CYREN: variants seen among roughly 807,000 people sequenced by gnomAD.
The protein encoded by CYREN is cell cycle regulator of non-homologous end joining.
Under a neutral mutation model 9.7 loss-of-function variants are expected in CYREN, and 7 were observed. The observed-to-expected ratio is 0.72, with a 90% confidence interval of 0.41 to 1.36. The LOEUF (loss-of-function observed/expected upper bound fraction) is 1.36. CYREN is among the 40% of genes most tolerant of loss of function. The probability of loss-of-function intolerance (pLI) is 0.01; values close to 1 mark genes in which losing one functional copy is unlikely to be tolerated. For missense variants in CYREN, 215 were observed against 198.1 expected, an observed-to-expected ratio of 1.09 and a Z score of -0.51; for synonymous variants, 76 against 77.9, an observed-to-expected ratio of 0.98 and a Z score of 0.13.
At chr7:135,099,425 C>T (rs1823424724) in intron 2 of CYREN, among the ~76,000 whole-genome samples, 2 of 151,702 alleles carry the variant, frequency 1.3e-5, no homozygotes, top group South Asian at 4.2e-4. Flanking sequence ...ATTAAACTAG[C>T]CATTAAATAT....
chr7:135,128,952 G>C (rs530651329), intron 2 of CYREN: 4 of 1,573,628 alleles, frequency 2.5e-6, no homozygotes, highest in Non-Finnish European at 3.5e-6. Context: ...TAAGAAGCTG[G>C]GTAGTGAATG....
intron 2 of CYREN, among the ~76,000 whole-genome samples, chr7:135,111,570 G>A (rs561645073): frequency 3.5e-4 from 53 of 149,570 alleles, no homozygotes; most frequent in African/African-American, 8.6e-4. Flanking sequence ...TGTTGTACAC[G>A]TCTGTTTTTT....
chr7:135,117,493 C>T lies in CYREN; in HGVS notation n.357-22911G>A, dbSNP rs543432310. On this transcript the variant is annotated intron_variant and non_coding_transcript_variant, in intron 2 of 2. Transcript: ENST00000459937. ...TAGACCAATGTCTAAAATGGTTTAG[C>T]AAAGTGTGATCTTCTCATTCTTTGC... Among the ~76,000 whole-genome samples, 13 of 152,286 alleles carry T rather than the reference C, an allele frequency of 8.5e-5. No homozygotes were observed. In the South Asian group the frequency reaches 2.5e-3, roughly 29 times the overall value.
At chr7:135,167,877 G>A (rs942001927) in intron 2 of CYREN, 70 bp from the exon 3 acceptor site, 21 of 1,607,438 alleles carry the variant, frequency 1.3e-5, no homozygotes, top group Non-Finnish European at 1.6e-5. Flanking sequence ...GAGAACAGGA[G>A]AAGCAGGGCC....
chr7:135,094,357 G>A (rs1013401472), exon 3 of CYREN: 11 of 456,530 alleles, frequency 2.4e-5, no homozygotes, highest in Non-Finnish European at 4.4e-5. Flanking sequence ...AATCCAGGGA[G>A]TCACTGCTGA....
intron 2 of CYREN, among the ~76,000 whole-genome samples, chr7:135,096,733 GAGAAAGAATGAA>G (rs1822890993): frequency 2.0e-5 from 1 of 51,152 alleles, no homozygotes; most frequent in East Asian, 5.4e-4. Context: ...AAGAAAGAAA[GAGAAAGAATGAA>G]AGAAAGAAAG....
At chr7:135,158,838 G>A (rs1829859044) in intron 2 of CYREN, among the ~76,000 whole-genome samples, 1 of 152,198 alleles carries the variant, frequency 6.6e-6, no homozygotes. Flanking sequence ...GGCAGCAAGA[G>A]CCATGTCTGT....
At chr7:135,150,781 G>A (rs1002490459) in intron 2 of CYREN, among the ~76,000 whole-genome samples, 3 of 152,142 alleles carry the variant, frequency 2.0e-5, no homozygotes, top group Admixed American at 6.5e-5. Context: ...TCTTGAACCC[G>A]GGAGGCAGAG....
At chr7:135,129,734 A>C in intron 2 of CYREN, 1 of 720,574 alleles carries the variant, frequency 1.4e-6, no homozygotes, top group Non-Finnish European at 2.6e-6. Flanking sequence ...GGTTTTCCCT[A>C]ATCTTTTGTC....
Position 135,169,006 on chromosome 7 carries a change from G to T in CYREN, c.-84C>A. On this transcript the variant is annotated 5_prime_UTR_variant, in exon 2 of 4. Transcript: ENST00000393114. ...TCAGGAAGGTAAATCTCGTTCTCTC[G>T]TCACACCCGGAATTACAGGTCCATT... 2 of 1,309,846 alleles carry T rather than the reference G, an allele frequency of 1.5e-6. No individual in the cohort carries two copies. The highest frequency in any genetic ancestry group is 2.1e-6 in the Non-Finnish European group (2 of 967,040). The allele number at this position is 1,309,846 out of a possible 1,614,324, so 81.1% of individuals were successfully genotyped here.
intron 2 of CYREN, 188 bp from the exon 3 acceptor site, chr7:135,167,995 G>T: frequency 2.0e-6 from 2 of 1,001,476 alleles, no homozygotes; most frequent in South Asian, 1.7e-5. Flanking sequence ...GACTGGCACA[G>T]GGCTTCATGG....
downstream of CYREN, chr7:135,164,324 G>T: frequency 9.2e-7 from 1 of 1,083,986 alleles, no homozygotes. Flanking sequence ...CTTGCCATGA[G>T]TTTGTAAGAA....
At chr7:135,132,612 G>T (rs1049578689) in intron 2 of CYREN, among the ~76,000 whole-genome samples, 1 of 152,164 alleles carries the variant, frequency 6.6e-6, no homozygotes, top group African/African-American at 2.4e-5. Flanking sequence ...TCAAGGCAGG[G>T]TCAGGTGGAG....
rs147498794 is a variant in CYREN at position 135,167,064 on chromosome 7, T to G, written c.214-193A>C. On this transcript the variant is annotated intron_variant, in intron 3 of 3. Coordinates refer to ENST00000393114, the MANE Select transcript of CYREN (RefSeq NM_024033.4). ...CCCCTGACCCCCTCTTCACAGCTCT[T>G]GAAGAAACCAGAACCCACTCGGGAG... is the stretch of plus-strand genomic sequence containing the variant. The G allele has an allele frequency of 1.6e-4, 153 of 985,202 alleles. No homozygotes were observed. In the African/African-American group the frequency reaches 2.5e-3, roughly 16 times the overall value. 61.0% of individuals were successfully genotyped at this position (985,202 alleles called of 1,614,324 possible).
chr7:135,116,034 A>C (rs187795213), intron 2 of CYREN, among the ~76,000 whole-genome samples: 3 of 152,346 alleles, frequency 2.0e-5, no homozygotes, highest in African/African-American at 7.2e-5. Context: ...AAGATAAAAA[A>C]CAGAACTACC....
chr7:135,131,775 A>T (rs1483675207), intron 2 of CYREN, among the ~76,000 whole-genome samples: 1 of 152,112 alleles, frequency 6.6e-6, no homozygotes, highest in Non-Finnish European at 1.5e-5. Context: ...GTTTGAACAG[A>T]TCAATAAAAT....
At chr7:135,135,438 G>A in intron 2 of CYREN, 1 of 416,232 alleles carries the variant, frequency 2.4e-6, no homozygotes, top group Non-Finnish European at 4.1e-6. Flanking sequence ...ATCTTTCAGA[G>A]ATTTAAAAAG....
At chr7:135,120,711 T>C (rs1300568759) in intron 2 of CYREN, among the ~76,000 whole-genome samples, 1 of 152,054 alleles carries the variant, frequency 6.6e-6, no homozygotes, top group African/African-American at 2.4e-5. Flanking sequence ...ATTTCAAATA[T>C]GACAATGGAG....
At chr7:135,144,156 G>A (rs1346578678) in intron 2 of CYREN, among the ~76,000 whole-genome samples, 1 of 152,176 alleles carries the variant, frequency 6.6e-6, no homozygotes, top group Admixed American at 6.5e-5. Context: ...TGGGAATACT[G>A]GATTCCTGGT....
Sources: allele counts gnomAD v4.1 joint callset (sites outside exome capture counted in the v4.1 genomes callset), GRCh38; gene constraint gnomAD v4.1.1; transcripts MANE v1.5; gene names NCBI Gene and HGNC (gene_info 2026-07-23, HGNC 2026-07-21).